Variants in LIMCH1 observed in about 807,000 individuals in gnomAD.
LIMCH1 encodes LIM and calponin homology domains-containing protein 1.
In LIMCH1, 113 loss-of-function variants were observed where a neutral mutation model predicts 176.5. That is an observed-to-expected ratio of 0.64 (90% CI 0.55 to 0.75). The LOEUF (loss-of-function observed/expected upper bound fraction) is 0.75, where lower values mean the gene tolerates loss of function less well. Among genes scored for constraint, LIMCH1 ranks in the 30% least tolerant of loss-of-function variants. The probability of loss-of-function intolerance (pLI) is 0.00; values close to 1 mark genes in which losing one functional copy is unlikely to be tolerated. For missense variants in LIMCH1, 1,674 were observed against 1,814.9 expected, an observed-to-expected ratio of 0.92 and a Z score of 1.41; for synonymous variants, 619 against 645.9, an observed-to-expected ratio of 0.96 and a Z score of 0.63.
rs1288946606 is a variant in LIMCH1, at chr4:41,494,458, C to T, written c.97-78C>T. ...TTATATATATGTACACACACATACA[C>T]ACACACATATATATATGATTGGACT... is the stretch of plus-strand genomic sequence containing the variant. On this transcript the variant is annotated intron_variant, in intron 1 of 26. Coordinates refer to the LIMCH1 transcript ENST00000313860. 24 of 967,282 alleles carry T rather than the reference C, an allele frequency of 2.5e-5. No individual in the cohort carries two copies. The East Asian group carries it at 4.3e-4, about 17-fold the overall frequency. 59.9% of individuals were successfully genotyped at this position (967,282 alleles called of 1,614,324 possible).
At chr4:41,419,917 C>T (rs892103992) in intron 1 of LIMCH1, among the ~76,000 whole-genome samples, 1 of 151,878 alleles carries the variant, frequency 6.6e-6, no homozygotes, top group African/African-American at 2.4e-5. Context: ...GGAAAAGTTT[C>T]CTTGCCCTCA....
intron 1 of LIMCH1, among the ~76,000 whole-genome samples, chr4:41,457,114 T>C (rs1324828632): frequency 1.3e-5 from 2 of 152,180 alleles, no homozygotes; most frequent in East Asian, 3.8e-4. Context: ...GCACGTGTGC[T>C]CTCTACAGTA....
intron 7 of LIMCH1, among the ~76,000 whole-genome samples, chr4:41,623,967 C>T (rs1279681250): frequency 6.6e-6 from 1 of 152,098 alleles, no homozygotes; most frequent in Non-Finnish European, 1.5e-5. Context: ...ACATAAATTA[C>T]TTTTTCTTCT....
intron 1 of LIMCH1, among the ~76,000 whole-genome samples, chr4:41,558,419 C>T (rs1451590379): frequency 6.6e-6 from 1 of 152,132 alleles, no homozygotes. Flanking sequence ...TCTGATTATG[C>T]TTCTTTCCAG....
At chr4:41,513,643 C>T (rs940718683) in intron 2 of LIMCH1, among the ~76,000 whole-genome samples, 10 of 152,206 alleles carry the variant, frequency 6.6e-5, no homozygotes, top group Admixed American at 2.6e-4. Flanking sequence ...AAAGCCTGTC[C>T]GATGATCCTT....
chr4:41,541,532 C>T (rs1375664171), intron 1 of LIMCH1, among the ~76,000 whole-genome samples: 1 of 152,236 alleles, frequency 6.6e-6, no homozygotes, highest in African/African-American at 2.4e-5. Context: ...CTGCCCTTCA[C>T]ACCGTTTCCT....
intron 1 of LIMCH1, among the ~76,000 whole-genome samples, chr4:41,590,855 G>T (rs1001068054): frequency 6.6e-6 from 1 of 152,188 alleles, no homozygotes; most frequent in Non-Finnish European, 1.5e-5. Flanking sequence ...CCAGTCACTG[G>T]AGTGTGACTG....
At chr4:41,535,143 T>C (rs1239157315), upstream of LIMCH1, among the ~76,000 whole-genome samples, 1 of 119,862 alleles carries the variant, frequency 8.3e-6, no homozygotes, top group Non-Finnish European at 1.6e-5. Flanking sequence ...GCCTGGGTGA[T>C]GGGAGTCGGA....
At chr4:41,696,141 A>G (rs1730478556) in intron 31 of LIMCH1, among the ~76,000 whole-genome samples, 3 of 152,238 alleles carry the variant, frequency 2.0e-5, no homozygotes, top group African/African-American at 2.4e-5. Context: ...GAAAAATAGC[A>G]TACCAGCATA....
At chr4:41,560,349 T>C (rs973343933) in intron 1 of LIMCH1, among the ~76,000 whole-genome samples, 2 of 152,174 alleles carry the variant, frequency 1.3e-5, no homozygotes, top group Middle Eastern at 3.2e-3. Flanking sequence ...ACTGCAGCAA[T>C]GAAAGACTTC....
chr4:41,684,552 T>A (rs1164953656), intron 27 of LIMCH1, 34 bp downstream of exon 27: 1 of 1,608,942 alleles, frequency 6.2e-7, no homozygotes, highest in Non-Finnish European at 8.5e-7. Flanking sequence ...CATTCAATGT[T>A]TAAATTGTTG....
intron 1 of LIMCH1, among the ~76,000 whole-genome samples, chr4:41,370,590 C>T (rs13150338): frequency 6.6e-6 from 1 of 152,078 alleles, no homozygotes; most frequent in Non-Finnish European, 1.5e-5. Flanking sequence ...ACCTTTTTCC[C>T]TAAGGGACCA....
intron 1 of LIMCH1, chr4:41,388,976 A>G (rs2056867804): frequency 6.6e-6 from 1 of 152,224 alleles, no homozygotes; most frequent in Non-Finnish European, 1.5e-5. Flanking sequence ...AATGAATGGT[A>G]TTTGATTATT....
In LIMCH1 at chr4:41,613,020, G is replaced by A. The variant is rs114716783; in HGVS notation, c.10-446G>A. 9.6e-4 allele frequency: 1,488 copies of A among 1,551,934 alleles called. 15 individuals are homozygous for A. The African/African-American group carries it at 0.018, about 19-fold the overall frequency. On this transcript the variant is annotated intron_variant, in intron 4 of 31. Transcript: ENST00000503057. The stretch of plus-strand genomic sequence containing the variant: ...TGTATTTGCCAGATAGTATAAACAG[G>A]AGCAAAAGTTGCACAGCTAAACCAG...
At chr4:41,370,105 G>C (rs1269161545) in intron 1 of LIMCH1, among the ~76,000 whole-genome samples, 1 of 152,170 alleles carries the variant, frequency 6.6e-6, no homozygotes, top group Non-Finnish European at 1.5e-5. Context: ...GACTGGGTCA[G>C]GGCTCGTTGG....
intron 31 of LIMCH1, among the ~76,000 whole-genome samples, chr4:41,696,688 G>A (rs974411840): frequency 1.2e-4 from 19 of 152,078 alleles, no homozygotes; most frequent in African/African-American, 2.9e-4. Context: ...TGGGTATTGC[G>A]TATTTATACT....
chr4:41,497,504 TA>T (rs1169869793), intron 2 of LIMCH1, among the ~76,000 whole-genome samples: 1 of 152,136 alleles, frequency 6.6e-6, no homozygotes, highest in African/African-American at 2.4e-5. Flanking sequence ...ATCATACAGA[TA>T]AAAAGTATTT....
In LIMCH1 at chr4:41,524,387, C is replaced by G. The variant is rs1281923300; in HGVS notation, c.168-22C>G. ...CCATCTTGCTTTATGTCTCACTTGA[C>G]ATTCTGCCTTTTTCATGACAGGTTG... On this transcript the variant is annotated intron_variant, in intron 2 of 26. Coordinates refer to the LIMCH1 transcript ENST00000313860. 2.5e-6 allele frequency: 4 copies of G among 1,601,726 alleles called. No individual in the cohort carries two copies. In the African/African-American group the frequency reaches 4.0e-5, roughly 16 times the overall value.
In LIMCH1 at chr4:41,470,240, A is replaced by G. The variant is rs145369615; in HGVS notation, c.97-24296A>G. On this transcript the variant is annotated intron_variant, in intron 1 of 26. Coordinates refer to the LIMCH1 transcript ENST00000313860. ...ACGGATCACTTCTAAAAGCAACCTG[A>G]AGAGAACTGCTCATTTCTCACCAAA... 9.4e-4 allele frequency among the ~76,000 whole-genome samples: 143 copies of G among 152,232 alleles called. 1 individual carries two copies. Among genetic ancestry groups the G allele is most frequent in the African/African-American group, 3.3e-3 (139 of 41,546 alleles).
Sources: allele counts gnomAD v4.1 joint callset (sites outside exome capture counted in the v4.1 genomes callset), GRCh38; gene constraint gnomAD v4.1.1; transcripts MANE v1.5; gene names NCBI Gene and HGNC (gene_info 2026-07-23, HGNC 2026-07-21).